The following UNC5D variants were observed in gnomAD, a reference collection of about 807,000 sequenced individuals.
UNC5D encodes netrin receptor UNC5D.
Under a neutral mutation model 105.4 loss-of-function variants are expected in UNC5D, and 39 were observed. The observed-to-expected ratio is 0.37, with a 90% confidence interval of 0.29 to 0.48. The LOEUF (loss-of-function observed/expected upper bound fraction) is 0.48. Among genes scored for constraint, UNC5D ranks in the 20% least tolerant of loss-of-function variants. The pLI is 0.98. For missense variants in UNC5D, 991 were observed against 1,202.4 expected (o/e 0.82, Z 2.60); for synonymous variants, 452 against 450.4 (o/e 1.00, Z -0.04).
chr8:35,514,408 A>G (rs1273212167), intron 1 of UNC5D, among the ~76,000 whole-genome samples: 1 of 152,218 alleles, frequency 6.6e-6, no homozygotes, highest in Admixed American at 6.5e-5. Context: ...CAAGTGATCT[A>G]TCTCTGCATG....
intron 1 of UNC5D, among the ~76,000 whole-genome samples, chr8:35,451,303 A>G (rs961921615): frequency 2.0e-5 from 3 of 152,152 alleles, no homozygotes; most frequent in Admixed American, 6.5e-5. Context: ...TCAGCCTCCC[A>G]AAGTGCTGGA....
At chr8:35,496,252 A>G (rs1008474827) in intron 1 of UNC5D, among the ~76,000 whole-genome samples, 1 of 152,164 alleles carries the variant, frequency 6.6e-6, no homozygotes, top group Admixed American at 6.5e-5. Flanking sequence ...GGATGGAGGA[A>G]GACTGGAAAG....
chr8:35,628,109 T>G (rs992581184), intron 4 of UNC5D, among the ~76,000 whole-genome samples: 2 of 149,862 alleles, frequency 1.3e-5, no homozygotes, highest in Non-Finnish European at 3.0e-5. Flanking sequence ...AGAAAGCTCT[T>G]TATTTATTTA....
intron 4 of UNC5D, among the ~76,000 whole-genome samples, chr8:35,642,424 C>T (rs967686019): frequency 2.0e-5 from 3 of 152,076 alleles, no homozygotes; most frequent in African/African-American, 7.2e-5. Context: ...AAACAAATAG[C>T]AACAACATGA....
intron 16 of UNC5D, among the ~76,000 whole-genome samples, chr8:35,789,189 G>GCCC (rs1802911346): frequency 1.8e-5 from 1 of 56,902 alleles, no homozygotes. Flanking sequence ...ATATATATAT[G>GCCC]AGATAGGGAT....
chr8:35,644,779 C>T (rs1379441091), intron 4 of UNC5D, among the ~76,000 whole-genome samples: 2 of 152,098 alleles, frequency 1.3e-5, no homozygotes, highest in Non-Finnish European at 2.9e-5. Context: ...AGTTGTGGCT[C>T]ATCACATTTT....
At position 35,595,362 on chromosome 8, in the gene UNC5D, A is replaced by G. The variant is rs766110400; in HGVS notation, c.467-192A>G. 5.3e-5 allele frequency among the ~76,000 whole-genome samples: 8 copies of G among 152,302 alleles called. No homozygotes were observed. In the East Asian group the frequency reaches 1.5e-3, roughly 29 times the overall value. On this transcript the variant is annotated intron_variant, in intron 3 of 16. Transcript: ENST00000404895. ...TAGGACATCAGAAACTGTTTTGTCC[A>G]GGTTATTTCACATGCATTTATGAAT...
intron 1 of UNC5D, among the ~76,000 whole-genome samples, chr8:35,289,104 C>A (rs1436160455): frequency 1.3e-5 from 2 of 152,084 alleles, no homozygotes; most frequent in East Asian, 3.9e-4. Flanking sequence ...CCCCATCCTA[C>A]CTACAAGAGC....
intron 1 of UNC5D, among the ~76,000 whole-genome samples, chr8:35,404,003 C>T (rs762177320): frequency 6.6e-5 from 10 of 152,124 alleles, no homozygotes; most frequent in African/African-American, 9.7e-5. Flanking sequence ...GGTGTTGATG[C>T]GTATTGCCTG....
chr8:35,560,122 A>T (rs966851440), intron 2 of UNC5D, among the ~76,000 whole-genome samples: 3 of 152,240 alleles, frequency 2.0e-5, no homozygotes, highest in African/African-American at 7.2e-5. Context: ...TGATGGTTAT[A>T]ATTTGCACAA....
intron 1 of UNC5D, among the ~76,000 whole-genome samples, chr8:35,312,795 C>T (rs1808995086): frequency 1.3e-5 from 2 of 152,140 alleles, no homozygotes. Context: ...CTTCATGTTT[C>T]AATGTAGGAT....
chr8:35,454,676 A>T (rs1027022150), intron 1 of UNC5D, among the ~76,000 whole-genome samples: 14 of 152,096 alleles, frequency 9.2e-5, no homozygotes, highest in Non-Finnish European at 1.2e-4. Flanking sequence ...CCTTCCCCAC[A>T]ATTTATTGCC....
chr8:35,450,354 T>C (rs150701914), intron 1 of UNC5D, among the ~76,000 whole-genome samples: 2,064 of 152,256 alleles, frequency 0.014, 46 homozygotes, highest in African/African-American at 0.047. Context: ...CTCAAAAAGA[T>C]AGACCACTGT....
At chr8:35,420,372 A>G (rs1034952143) in intron 1 of UNC5D, among the ~76,000 whole-genome samples, 3 of 152,156 alleles carry the variant, frequency 2.0e-5, no homozygotes. Context: ...CATTAGAATC[A>G]ATGAACACAG....
At chr8:35,455,283 T>C (rs1439077259) in intron 1 of UNC5D, among the ~76,000 whole-genome samples, 1 of 110,502 alleles carries the variant, frequency 9.0e-6, no homozygotes, top group African/African-American at 4.6e-5. Flanking sequence ...AATGGATACT[T>C]TTTTTTTTTT....
chr8:35,630,219 G>A (rs533534061), intron 4 of UNC5D, among the ~76,000 whole-genome samples: 1 of 152,214 alleles, frequency 6.6e-6, no homozygotes, highest in African/African-American at 2.4e-5. Context: ...GTGGAATTTT[G>A]TTGGCAAAGG....
chr8:35,728,092 AAAAATAT>A (rs1201723551), intron 10 of UNC5D, among the ~76,000 whole-genome samples: 26 of 141,620 alleles, frequency 1.8e-4, no homozygotes, highest in African/African-American at 7.4e-4. Context: ...AAAAAAAAAA[AAAAATAT>A]ATATATATAT....
rs77180697 is a variant in UNC5D, at chr8:35,425,472, C to T, written c.104-123820C>T. The stretch of plus-strand genomic sequence containing the variant: ...TGTAAACTCTCCGAGACCCCCACCC[C>T]GGTTAAAACACTGCTGTGCTGGGTA... On this transcript the variant is annotated intron_variant, in intron 1 of 16. Coordinates refer to ENST00000404895, the MANE Select transcript of UNC5D (RefSeq NM_080872.4). Among the ~76,000 whole-genome samples, 12 of 152,094 alleles carry T rather than the reference C, an allele frequency of 7.9e-5. No individual in the cohort carries two copies. In the East Asian group the frequency reaches 1.9e-3, roughly 24 times the overall value.
At chr8:35,252,031 T>C (rs1319100120) in intron 1 of UNC5D, among the ~76,000 whole-genome samples, 3 of 147,548 alleles carry the variant, frequency 2.0e-5, no homozygotes, top group South Asian at 4.4e-4. Context: ...TTTTTTTTTT[T>C]TTTTTTTTTT....
Sources: gnomAD v4.1 joint callset for allele counts (sites outside exome capture counted in the v4.1 genomes callset) on GRCh38, gnomAD v4.1.1 for gene constraint, MANE v1.5 for transcripts, NCBI Gene and HGNC (gene_info 2026-07-23, HGNC 2026-07-21) for gene names.